SRFBP1: variants seen among roughly 807,000 people sequenced by gnomAD.
SRFBP1 encodes the protein serum response factor-binding protein 1.
SRFBP1 carries 47 observed loss-of-function variants against 45.5 expected under a neutral mutation model. The ratio of observed to expected loss-of-function variants is 1.03; its 90% CI spans 0.82 to 1.32. The LOEUF (loss-of-function observed/expected upper bound fraction) is 1.32, where lower values mean the gene tolerates loss of function less well. Among genes scored for constraint, SRFBP1 ranks in the 40% most tolerant of loss-of-function variants. SRFBP1 has a pLI of 0.00. For synonymous variants in SRFBP1, 203 were observed against 166.3 expected (o/e 1.22, Z -1.70); for missense variants, 621 against 484.6 (o/e 1.28, Z -2.64).
rs537683953 is a variant in SRFBP1 at position 122,005,624 on chromosome 5, T to A, written c.270+10954T>A. 2.2e-4 allele frequency among the ~76,000 whole-genome samples: 33 copies of A among 152,270 alleles called. 1 individual carries two copies. In the South Asian group the frequency reaches 6.8e-3, roughly 32 times the overall value. ...TTCATTCAGCCACTATGTGTTATGATTGGAGAATTTAATCTATTGACATTC... is the reference window on the plus strand; with the variant it reads ...TTCATTCAGCCACTATGTGTTATGAATGGAGAATTTAATCTATTGACATTC... On this transcript the variant is annotated intron_variant, in intron 4 of 7. Transcript: ENST00000339397.
chr5:121,971,359 G>A (rs1415888784), intron 1 of SRFBP1, among the ~76,000 whole-genome samples: 2 of 151,944 alleles, frequency 1.3e-5, no homozygotes, highest in African/African-American at 4.8e-5. Flanking sequence ...GAGATTCATT[G>A]TGAAGGATTA....
At chr5:122,077,429 T>C (rs771805082), downstream of SRFBP1, 1 of 1,613,976 alleles carries the variant, frequency 6.2e-7, no homozygotes, top group South Asian at 1.1e-5. The surrounding 1 kb of genome is among the most constrained non-coding windows in gnomAD (Gnocchi z 4.9). Flanking sequence ...AGTATCGTAG[T>C]AGTTGTAATA....
intron 3 of SRFBP1, among the ~76,000 whole-genome samples, chr5:121,993,649 T>G (rs1752659637): frequency 6.6e-6 from 1 of 152,118 alleles, no homozygotes; most frequent in South Asian, 2.1e-4. Flanking sequence ...TTACTTTTAG[T>G]TGAGTAATTT....
rs1753501290 is a variant in SRFBP1, at chr5:122,027,205, G to T, written c.*79G>T. On this transcript the variant is annotated 3_prime_UTR_variant, in exon 8 of 8. Coordinates refer to ENST00000339397, the MANE Select transcript of SRFBP1 (RefSeq NM_152546.3). Reference sequence around the variant, plus strand: ...AGACAGGATCTCATTCTGTTGCCCAGACTAGAGTACAATATTGCAATCACA... The same window carrying T: ...AGACAGGATCTCATTCTGTTGCCCATACTAGAGTACAATATTGCAATCACA... The T allele has an allele frequency of 1.7e-6, 2 of 1,183,370 alleles. No homozygotes were observed. Among genetic ancestry groups the T allele is most frequent in the Non-Finnish European group, 2.4e-6 (2 of 844,076 alleles). The allele number at this position is 1,183,370 out of a possible 1,614,324, so 73.3% of individuals were successfully genotyped here.
chr5:121,966,775 T>G (rs886812163), intron 1 of SRFBP1, among the ~76,000 whole-genome samples: 2 of 151,474 alleles, frequency 1.3e-5, no homozygotes, highest in African/African-American at 4.8e-5. Context: ...TTTTTTTATT[T>G]TTTATTTTTT....
intron 4 of SRFBP1, among the ~76,000 whole-genome samples, chr5:122,018,161 AAGC>A: frequency 6.6e-6 from 1 of 152,206 alleles, no homozygotes; most frequent in Non-Finnish European, 1.5e-5. Flanking sequence ...GGTATGGGCT[AAGC>A]ATCAGAAAGC....
chr5:122,005,370 T>A (rs1752954409), intron 4 of SRFBP1, among the ~76,000 whole-genome samples: 1 of 152,162 alleles, frequency 6.6e-6, no homozygotes, highest in African/African-American at 2.4e-5. Flanking sequence ...ATCCGTCTGA[T>A]GAATTGACCC....
chr5:121,987,715 A>G (rs967585922), intron 3 of SRFBP1, among the ~76,000 whole-genome samples: 1 of 152,186 alleles, frequency 6.6e-6, no homozygotes, highest in African/African-American at 2.4e-5. Flanking sequence ...GGAAAATACA[A>G]ACATGTTTTA....
downstream of SRFBP1, among the ~76,000 whole-genome samples, chr5:122,030,634 A>G (rs1753574876): frequency 6.6e-6 from 1 of 151,890 alleles, no homozygotes; most frequent in African/African-American, 2.4e-5. Context: ...TGCCTTAGGC[A>G]GTGAGTAACA....
chr5:122,014,545 T>C (rs1020395475), intron 4 of SRFBP1, among the ~76,000 whole-genome samples: 1 of 151,744 alleles, frequency 6.6e-6, no homozygotes, highest in Admixed American at 6.5e-5. Flanking sequence ...AACACAGTTA[T>C]AGAAGAAGAC....
chr5:122,029,047 G>C (rs1239619080), downstream of SRFBP1, among the ~76,000 whole-genome samples: 1 of 152,038 alleles, frequency 6.6e-6, no homozygotes, highest in East Asian at 1.9e-4. Flanking sequence ...TTAGTCTAGG[G>C]CATTGGTTCT....
downstream of SRFBP1, chr5:122,077,392 C>T: frequency 6.2e-7 from 1 of 1,613,974 alleles, no homozygotes; most frequent in Middle Eastern, 1.6e-4. The surrounding 1 kb of genome is among the most constrained non-coding windows in gnomAD (Gnocchi z 4.9). Context: ...CGGGCCGGTA[C>T]CTGCCCCCAG....
At chr5:122,048,536 G>A (rs2152576401) in intron 2 of SRFBP1, among the ~76,000 whole-genome samples, 1 of 152,294 alleles carries the variant, frequency 6.6e-6, no homozygotes, top group Middle Eastern at 3.4e-3. Context: ...TCAGGCTTTG[G>A]TATCAGGATG....
intron 4 of SRFBP1, among the ~76,000 whole-genome samples, chr5:122,004,546 T>C (rs1752940682): frequency 6.6e-6 from 1 of 152,186 alleles, no homozygotes; most frequent in Non-Finnish European, 1.5e-5. Flanking sequence ...ATTTTATTTA[T>C]TTGAGTCTTC....
At chr5:122,029,986 A>G (rs139550059), downstream of SRFBP1, among the ~76,000 whole-genome samples, 590 of 152,310 alleles carry the variant, frequency 3.9e-3, 1 homozygote, top group African/African-American at 0.013. Context: ...TACATATTTG[A>G]AAGTTCAACC....
chr5:121,965,272 A>T (rs1279108281), intron 1 of SRFBP1, among the ~76,000 whole-genome samples: 2 of 152,088 alleles, frequency 1.3e-5, no homozygotes, highest in African/African-American at 2.4e-5. Flanking sequence ...TCCATGCCTC[A>T]GTCCTGAATG....
chr5:121,983,913 G>T (rs1215973278), intron 3 of SRFBP1, among the ~76,000 whole-genome samples: 2 of 151,718 alleles, frequency 1.3e-5, no homozygotes, highest in Non-Finnish European at 3.0e-5. Context: ...TTGTCTGCCA[G>T]ATGGGATCTA....
intron 3 of SRFBP1, among the ~76,000 whole-genome samples, chr5:121,986,849 GAATGACAGAATTTTAAA>G (rs1324703022): frequency 6.6e-6 from 1 of 152,092 alleles, no homozygotes; most frequent in Non-Finnish European, 1.5e-5. Flanking sequence ...AAACTTTTTA[GAATGACAGAATTTTAAA>G]AAGCAAACAT....
At chr5:122,050,477 T>C (rs1452796618) in intron 2 of SRFBP1, among the ~76,000 whole-genome samples, 1 of 152,196 alleles carries the variant, frequency 6.6e-6, no homozygotes, top group Non-Finnish European at 1.5e-5. Flanking sequence ...CAGGAGGTTG[T>C]ATGTGTCCAG....
Sources: allele counts gnomAD v4.1 joint callset (sites outside exome capture counted in the v4.1 genomes callset), GRCh38; gene constraint gnomAD v4.1.1; non-coding constraint Gnocchi (gnomAD v3.1); transcripts MANE v1.5; gene names NCBI Gene and HGNC (gene_info 2026-07-23, HGNC 2026-07-21).